EYS: variants seen among roughly 807,000 people sequenced by gnomAD.
The protein encoded by EYS is protein eyes shut homolog.
EYS carries 250 observed loss-of-function variants against 282.1 expected under a neutral mutation model. The observed-to-expected ratio is 0.89, with a 90% CI of 0.80 to 0.98. The LOEUF is 0.98. Ranked by LOEUF, EYS falls within the 50% of genes least tolerant of loss-of-function variation. The pLI, the probability that EYS is intolerant of heterozygous loss-of-function variation, is 0.00. For missense variants in EYS, 4,016 were observed against 3,709.0 expected (o/e 1.08, Z -2.15); for synonymous variants, 1,355 against 1,282.9 (o/e 1.06, Z -1.20).
At chr6:63,854,883 T>C (rs1772350882) in intron 36 of EYS, among the ~76,000 whole-genome samples, 1 of 152,174 alleles carries the variant, frequency 6.6e-6, no homozygotes, top group Non-Finnish European at 1.5e-5. Context: ...ATTATTTACT[T>C]AAAATTCTAT....
intron 13 of EYS, among the ~76,000 whole-genome samples, chr6:65,046,827 G>A (rs1284588379): frequency 2.0e-5 from 3 of 151,916 alleles, no homozygotes; most frequent in South Asian, 4.1e-4. Context: ...GAACCTGGTG[G>A]AAGGTGTTTG....
At chr6:64,761,067 TTGG>T in intron 22 of EYS, among the ~76,000 whole-genome samples, 1 of 152,178 alleles carries the variant, frequency 6.6e-6, no homozygotes, top group Non-Finnish European at 1.5e-5. Context: ...ATCAGTGGAT[TTGG>T]GGGTTTCGTA....
At chr6:64,136,706 G>A (rs534737038) in intron 31 of EYS, among the ~76,000 whole-genome samples, 1 of 152,206 alleles carries the variant, frequency 6.6e-6, no homozygotes, top group East Asian at 1.9e-4. Context: ...CTGAGCAGCA[G>A]GGTCTCAATA....
At chr6:64,564,242 A>G (rs546253151) in intron 26 of EYS, among the ~76,000 whole-genome samples, 1 of 107,044 alleles carries the variant, frequency 9.3e-6, no homozygotes, top group East Asian at 2.6e-4. Context: ...TTTTCTCCAT[A>G]TCCTCATCAA....
chr6:65,054,102 T>C (rs1773348724), intron 13 of EYS, among the ~76,000 whole-genome samples: 1 of 151,998 alleles, frequency 6.6e-6, no homozygotes, highest in Admixed American at 6.6e-5. Context: ...AAAAATTGTA[T>C]TTATTCATAA....
At chr6:64,953,464 T>A (rs1769583080) in intron 14 of EYS, among the ~76,000 whole-genome samples, 1 of 151,824 alleles carries the variant, frequency 6.6e-6, no homozygotes, top group Admixed American at 6.6e-5. Context: ...ATTTAAATGT[T>A]ATTTTAAGTT....
At chr6:64,944,018 A>G (rs1769190509) in intron 15 of EYS, among the ~76,000 whole-genome samples, 2 of 152,144 alleles carry the variant, frequency 1.3e-5, no homozygotes, top group African/African-American at 4.8e-5. Flanking sequence ...CAACAATAAC[A>G]GACACACAGA....
chr6:64,575,102 T>C (rs1765838514), intron 26 of EYS, among the ~76,000 whole-genome samples: 1 of 152,124 alleles, frequency 6.6e-6, no homozygotes, highest in Admixed American at 6.6e-5. Context: ...AGAGTGTGAT[T>C]GAAAATCAAA....
chr6:64,245,647 A>G (rs1321266967), intron 30 of EYS, among the ~76,000 whole-genome samples: 2 of 152,050 alleles, frequency 1.3e-5, no homozygotes, highest in African/African-American at 2.4e-5. Context: ...TTCCTGTCTC[A>G]TGGTGCTTTT....
intron 31 of EYS, among the ~76,000 whole-genome samples, chr6:64,152,891 A>G (rs1366306668): frequency 6.6e-6 from 1 of 152,208 alleles, no homozygotes; most frequent in Non-Finnish European, 1.5e-5. Context: ...GGACAAAGGT[A>G]ACAATAAAAC....
chr6:65,370,630 C>G (rs1765106921), intron 8 of EYS, among the ~76,000 whole-genome samples: 1 of 151,610 alleles, frequency 6.6e-6, no homozygotes, highest in Non-Finnish European at 1.5e-5. Flanking sequence ...TTTTTCCCAC[C>G]TTGCAACAAA....
chr6:64,399,634 T>C (rs1773483173), intron 28 of EYS, among the ~76,000 whole-genome samples: 2 of 151,954 alleles, frequency 1.3e-5, no homozygotes, highest in African/African-American at 4.8e-5. Context: ...CTGCAAACTT[T>C]GTACCTGTTC....
At chr6:64,258,015 A>T (rs9342192) in intron 30 of EYS, among the ~76,000 whole-genome samples, 1 of 151,464 alleles carries the variant, frequency 6.6e-6, no homozygotes, top group Non-Finnish European at 1.5e-5. Context: ...ATCAAATCTT[A>T]ATATGGCTCT....
chr6:63,943,905 T>C (rs539426065), intron 35 of EYS, among the ~76,000 whole-genome samples: 123 of 152,346 alleles, frequency 8.1e-4, no homozygotes, highest in African/African-American at 2.9e-3. Context: ...TAAGAGGTTT[T>C]CCTAACATTT....
At chr6:64,562,187 G>C (rs1432964956) in intron 26 of EYS, among the ~76,000 whole-genome samples, 1 of 151,090 alleles carries the variant, frequency 6.6e-6, no homozygotes, top group African/African-American at 2.4e-5. Flanking sequence ...TTTTTTTTAG[G>C]ATTAAGCTCT....
rs556403176 is a variant in EYS, at chr6:64,852,666, C to T, written c.2993-29844G>A. 2.6e-5 allele frequency among the ~76,000 whole-genome samples: 4 copies of T among 152,178 alleles called. No individual in the cohort carries two copies. In the South Asian group the frequency reaches 8.3e-4, roughly 32 times the overall value. On this transcript the variant is annotated intron_variant, in intron 19 of 42. Coordinates refer to ENST00000503581, the MANE Select transcript of EYS (RefSeq NM_001142800.2). ...ATAAGATCACTCATAAGTCCATTGA[C>T]TGATGTCTTTATAAGATTGGGTGAA...
chr6:65,316,700 A>C (rs1297389322), intron 11 of EYS, among the ~76,000 whole-genome samples: 1 of 151,318 alleles, frequency 6.6e-6, no homozygotes, highest in African/African-American at 2.4e-5. Context: ...TCATTGTTCA[A>C]CTCCCACTTA....
rs1396424869 is a variant in EYS, at chr6:64,504,333, GA to G, written c.5645-64982del. Reference sequence around the variant, plus strand: ...TTTGAAAATCACCCTAACATTTTAGGAAAACTTACCAATGACACTTCTGTTA... The same window carrying G: ...TTTGAAAATCACCCTAACATTTTAGGAAACTTACCAATGACACTTCTGTTA... On this transcript the variant is annotated intron_variant, in intron 26 of 42. Coordinates refer to ENST00000503581, the MANE Select transcript of EYS (RefSeq NM_001142800.2). 4.6e-5 allele frequency among the ~76,000 whole-genome samples: 7 copies of G among 152,118 alleles called. 1 individual carries two copies. Among genetic ancestry groups the G allele is most frequent in the Admixed American group, 4.6e-4 (7 of 15,272 alleles).
At chr6:64,023,904 G>A (rs577311259) in intron 33 of EYS, among the ~76,000 whole-genome samples, 5 of 152,242 alleles carry the variant, frequency 3.3e-5, no homozygotes, top group Admixed American at 6.5e-5. Flanking sequence ...CCAGGGCACC[G>A]AGGGGCTTAG....
Sources: gnomAD v4.1 joint callset for allele counts (sites outside exome capture counted in the v4.1 genomes callset) on GRCh38, gnomAD v4.1.1 for gene constraint, MANE v1.5 for transcripts, NCBI Gene and HGNC (gene_info 2026-07-23, HGNC 2026-07-21) for gene names.